Variants in CSDC2 observed in about 807,000 individuals in gnomAD.
The protein encoded by CSDC2 is cold shock domain-containing protein C2.
Under a neutral mutation model 15.8 loss-of-function variants are expected in CSDC2, and 8 were observed. The ratio of observed to expected loss-of-function variants is 0.51; its 90% CI spans 0.30 to 0.92. The LOEUF is 0.92. Ranked by LOEUF, CSDC2 falls within the 40% of genes least tolerant of loss-of-function variation. The pLI is 0.07. For synonymous variants in CSDC2, 96 were observed against 92.3 expected, an observed-to-expected ratio of 1.04 and a Z score of -0.23; for missense variants, 195 against 213.3, an observed-to-expected ratio of 0.91 and a Z score of 0.53.
chr22:41,563,417 G>A (rs1015764478), intron 1 of CSDC2, among the ~76,000 whole-genome samples: 3 of 152,132 alleles, frequency 2.0e-5, no homozygotes, highest in Admixed American at 6.5e-5. Flanking sequence ...TGTGTTCCCC[G>A]TCCTTTCTAT....
Position 41,575,016 on chromosome 22 carries a change from C to T in CSDC2, c.*121C>T, listed in dbSNP as rs1205443965. The T allele has an allele frequency of 6.0e-6, 7 of 1,158,652 alleles. No homozygotes were observed. The highest frequency in any genetic ancestry group is 2.3e-5 in the Admixed American group (1 of 43,508). 71.8% of individuals were successfully genotyped at this position (1,158,652 alleles called of 1,614,324 possible). ...AGTCCTTCGGTGGCCTCAGTGTGCA[C>T]GTCTGTCTGTCCGTCTGTGCTTGTG... On this transcript the variant is annotated 3_prime_UTR_variant, in exon 4 of 4. Coordinates refer to ENST00000306149, the MANE Select transcript of CSDC2 (RefSeq NM_014460.4).
intron 2 of CSDC2, among the ~76,000 whole-genome samples, chr22:41,572,422 A>G (rs1601998106): frequency 1.5e-5 from 2 of 136,358 alleles, no homozygotes; most frequent in East Asian, 2.3e-4. Context: ...CCATCCATCC[A>G]TCCATCCATC....
At position 41,574,778 on chromosome 22, in the gene CSDC2, C is replaced by T; in HGVS notation, c.345C>T (p.Tyr115=). 2 of 1,613,852 alleles carry T rather than the reference C, an allele frequency of 1.2e-6. No homozygotes were observed. The highest frequency in any genetic ancestry group is 1.7e-6 in the Non-Finnish European group (2 of 1,180,024). ...CAGTGGAGGGCGACGAGGTGACCTA[C>T]AAGATGTGCCCTATCCCTCCCAAGA... The part of the protein sequence containing the change: ...YVPVEGDEVT[Y]KMCPIPPKNQ... Residue 115 remains tyrosine (Y), a synonymous_variant, in exon 4 of 4, where the codon TAC becomes TAT. Coordinates refer to ENST00000306149, the MANE Select transcript of CSDC2 (RefSeq NM_014460.4).
At chr22:41,572,419 TCCATCCATCCATCCAC>T (rs2067151911) in intron 2 of CSDC2, among the ~76,000 whole-genome samples, 3 of 112,806 alleles carry the variant, frequency 2.7e-5, no homozygotes, top group Non-Finnish European at 5.5e-5. Context: ...CATCCATCCA[TCCATCCATCCATCCAC>T]CTGTCCATCC....
intron 1 of CSDC2, among the ~76,000 whole-genome samples, chr22:41,569,777 CTTT>C (rs372029264): frequency 3.2e-4 from 35 of 107,936 alleles, no homozygotes; most frequent in Middle Eastern, 5.3e-3. Context: ...TGTGTGGTTG[CTTT>C]TTTTTTTTTT....
In CSDC2 at chr22:41,574,892, C is replaced by T. The variant is rs774271783; in HGVS notation, c.459C>T (p.Ser153=). 5.7e-6 allele frequency: 9 copies of T among 1,588,454 alleles called. No individual in the cohort carries two copies. Among genetic ancestry groups the T allele is most frequent in the Admixed American group, 5.4e-5 (3 of 55,980 alleles). ...CGTGGTCTGGCCAGGTCGTGGGCTCCTAGGCTGAGTGGTTCACAGGCCAGC... is the reference window on the plus strand; with the variant it reads ...CGTGGTCTGGCCAGGTCGTGGGCTCTTAGGCTGAGTGGTTCACAGGCCAGC... ...HETWSGQVVG[S] The change falls in exon 4 of 4, where the codon TCC becomes TCT. Residue 153 remains serine, a synonymous_variant. Coordinates refer to ENST00000306149, the MANE Select transcript of CSDC2 (RefSeq NM_014460.4).
In CSDC2 at chr22:41,571,867, G is replaced by A. The variant is rs758041104; in HGVS notation, c.-99G>A. 7.8e-6 allele frequency: 6 copies of A among 765,096 alleles called. No individual in the cohort carries two copies. Among genetic ancestry groups the A allele is most frequent in the East Asian group, 6.8e-5 (2 of 29,470 alleles). 47.4% of individuals were successfully genotyped at this position (765,096 alleles called of 1,614,324 possible). A position where few individuals can be genotyped will look rare whatever the true frequency, so the allele number is the denominator to read the frequency against. ...GACGGAGCCCGTGGCTGGTGAGGCC[G>A]CAGAGCAGGGCCAGGCCGGGCCCTG... is the stretch of plus-strand genomic sequence containing the variant. On this transcript the variant is annotated 5_prime_UTR_variant, in exon 2 of 4. Coordinates refer to ENST00000306149, the MANE Select transcript of CSDC2 (RefSeq NM_014460.4).
Position 41,575,157 on chromosome 22 carries a change from T to C in CSDC2, c.*262T>C. On this transcript the variant is annotated 3_prime_UTR_variant, in exon 4 of 4. Coordinates refer to ENST00000306149, the MANE Select transcript of CSDC2 (RefSeq NM_014460.4). ...GGCTTCGCGCTGTCCACTGCCTCTCTCCTCCCCTCCCTGCCGCAGACACGC... is the reference window on the plus strand; with the variant it reads ...GGCTTCGCGCTGTCCACTGCCTCTCCCCTCCCCTCCCTGCCGCAGACACGC... 1.9e-6 allele frequency: 1 copy of C among 528,232 alleles called. No individual in the cohort carries two copies. Among genetic ancestry groups the C allele is most frequent in the East Asian group, 3.2e-5 (1 of 30,988 alleles). The allele number at this position is 528,232 out of a possible 1,614,324, so 32.7% of individuals were successfully genotyped here.
In CSDC2 at chr22:41,574,961, C is replaced by G; in HGVS notation, c.*66C>G. The stretch of plus-strand genomic sequence containing the variant: ...CCACACAGGGTGAACGGGCAGCAGC[C>G]GGCTCCATGCCCCACTGCCCTGGCT... On this transcript the variant is annotated 3_prime_UTR_variant, in exon 4 of 4. Transcript: ENST00000306149. The G allele has an allele frequency of 6.6e-7, 1 of 1,512,342 alleles. No individual in the cohort carries two copies. Among genetic ancestry groups the G allele is most frequent in the East Asian group, 2.5e-5 (1 of 40,616 alleles). The allele number at this position is 1,512,342 out of a possible 1,614,324, so 93.7% of individuals were successfully genotyped here.
chr22:41,569,854 G>C (rs1176382814), intron 1 of CSDC2, among the ~76,000 whole-genome samples: 5 of 142,146 alleles, frequency 3.5e-5, no homozygotes, highest in Non-Finnish European at 7.5e-5. Context: ...GTCTTGGCTT[G>C]CTGCAACCTC....
Position 41,572,454 on chromosome 22 carries a change from A to G in CSDC2, c.176+313A>G, listed in dbSNP as rs1222863966. Among the ~76,000 whole-genome samples, 3 of 143,368 alleles carry G rather than the reference A, an allele frequency of 2.1e-5. No individual in the cohort carries two copies. In the East Asian group the frequency reaches 6.2e-4, roughly 30 times the overall value. 94.1% of individuals were successfully genotyped at this position (143,368 alleles called of 152,430 possible). A position where few individuals can be genotyped will look rare whatever the true frequency, so the allele number is the denominator to read the frequency against. ...CATCCACCTGTCCATCCATCCATCC[A>G]TCCATCCACCCACCCATCCATCCGT... On this transcript the variant is annotated intron_variant, in intron 2 of 3. Coordinates refer to ENST00000306149, the MANE Select transcript of CSDC2 (RefSeq NM_014460.4).
intron 1 of CSDC2, among the ~76,000 whole-genome samples, chr22:41,565,972 G>A (rs1295099433): frequency 1.3e-5 from 2 of 152,094 alleles, no homozygotes; most frequent in Non-Finnish European, 2.9e-5. Context: ...AGGATGTTAT[G>A]ATCAGCCCCA....
Position 41,574,916 on chromosome 22 carries a change from G to C in CSDC2, c.*21G>C. 1 of 1,564,620 alleles carries C rather than the reference G, an allele frequency of 6.4e-7. No individual in the cohort carries two copies. Among genetic ancestry groups the C allele is most frequent in the Non-Finnish European group, 8.7e-7 (1 of 1,155,112 alleles). ...CCTAGGCTGAGTGGTTCACAGGCCA[G>C]CTGGCCGGGGGTTGGGGAGCCACAC... On this transcript the variant is annotated 3_prime_UTR_variant, in exon 4 of 4. Transcript: ENST00000306149.
chr22:41,567,234 C>G (rs1569047644), intron 1 of CSDC2, among the ~76,000 whole-genome samples: 1 of 152,154 alleles, frequency 6.6e-6, no homozygotes, highest in African/African-American at 2.4e-5. Flanking sequence ...TTGGCTGAAC[C>G]AGGAACAGAA....
At chr22:41,561,401 ATGTCTG>A (rs556364297) in intron 1 of CSDC2, among the ~76,000 whole-genome samples, 40 of 152,182 alleles carry the variant, frequency 2.6e-4, no homozygotes, top group Admixed American at 6.5e-4. Context: ...CCGTGGGAGC[ATGTCTG>A]TGTCTGTGTC....
At chr22:41,567,538 C>T (rs955728025) in intron 1 of CSDC2, among the ~76,000 whole-genome samples, 8 of 152,234 alleles carry the variant, frequency 5.3e-5, no homozygotes, top group African/African-American at 9.6e-5. Context: ...AGGGTTGCTC[C>T]GTATCTCCAT....
In CSDC2 at chr22:41,574,974, C is replaced by A; in HGVS notation, c.*79C>A. The A allele has an allele frequency of 6.8e-7, 1 of 1,480,596 alleles. No individual in the cohort carries two copies. The allele number at this position is 1,480,596 out of a possible 1,614,324, so 91.7% of individuals were successfully genotyped here. On this transcript the variant is annotated 3_prime_UTR_variant, in exon 4 of 4. Coordinates refer to ENST00000306149, the MANE Select transcript of CSDC2 (RefSeq NM_014460.4). The stretch of plus-strand genomic sequence containing the variant: ...ACGGGCAGCAGCCGGCTCCATGCCC[C>A]ACTGCCCTGGCTGATGAGTCCTTCG...
intron 1 of CSDC2, among the ~76,000 whole-genome samples, chr22:41,565,934 C>T (rs2067111477): frequency 6.6e-6 from 1 of 152,196 alleles, no homozygotes; most frequent in Non-Finnish European, 1.5e-5. Flanking sequence ...TTTGACACAG[C>T]TCTGTGGCTC....
intron 1 of CSDC2, among the ~76,000 whole-genome samples, chr22:41,563,057 C>T (rs2067096194): frequency 1.3e-5 from 2 of 152,176 alleles, no homozygotes; most frequent in Admixed American, 1.3e-4. Flanking sequence ...GCCACAGAAG[C>T]CCAAAGGCCT....
Sources: gnomAD v4.1 joint callset for allele counts (sites outside exome capture counted in the v4.1 genomes callset) on GRCh38, gnomAD v4.1.1 for gene constraint, MANE v1.5 for transcripts, NCBI Gene and HGNC (gene_info 2026-07-23, HGNC 2026-07-21) for gene names.